The following SPA17 variants were observed in gnomAD, a reference collection of about 807,000 sequenced individuals.
SPA17 encodes sperm surface protein Sp17.
In SPA17, 7 loss-of-function variants were observed where a neutral mutation model predicts 13.8. That is an observed-to-expected ratio of 0.51 (90% CI 0.29 to 0.95). The LOEUF (loss-of-function observed/expected upper bound fraction) is 0.95, where lower values mean the gene tolerates loss of function less well. Among genes scored for constraint, SPA17 ranks in the 40% least tolerant of loss-of-function variants. SPA17 has a pLI of 0.08. For missense variants in SPA17, 170 were observed against 179.3 expected (o/e 0.95, Z 0.30); for synonymous variants, 61 against 59.0 (o/e 1.03, Z -0.16).
At position 124,694,443 on chromosome 11, in the gene SPA17, G is replaced by A. The variant is rs750692188; in HGVS notation, c.453G>A (p.Lys151=). The part of the protein sequence containing the change: ...SLQNEEKEEN[K] ...AAAATGAGGAAAAAGAGGAAAACAA[G>A]TGAGGACACTGGTTTTACCTCCAGG... Residue 151 remains lysine, a synonymous_variant, in exon 5 of 5, where the codon AAG becomes AAA. Coordinates refer to ENST00000227135, the MANE Select transcript of SPA17 (RefSeq NM_017425.4). 5.0e-6 allele frequency: 8 copies of A among 1,608,532 alleles called. No homozygotes were observed. Among genetic ancestry groups the A allele is most frequent in the African/African-American group, 2.7e-5 (2 of 74,552 alleles).
At chr11:124,678,357 C>CG (rs1217830749) in intron 2 of SPA17, among the ~76,000 whole-genome samples, 1 of 151,544 alleles carries the variant, frequency 6.6e-6, no homozygotes, top group Non-Finnish European at 1.5e-5. Flanking sequence ...TAAACACAGA[C>CG]GGGGGTCTCA....
intron 3 of SPA17, among the ~76,000 whole-genome samples, chr11:124,682,042 T>G (rs904209794): frequency 1.3e-5 from 2 of 152,162 alleles, no homozygotes; most frequent in Admixed American, 1.3e-4. Flanking sequence ...GCCTTTCTCT[T>G]TAGCAGCTTT....
chr11:124,685,971 C>G (rs1431942149), intron 3 of SPA17, among the ~76,000 whole-genome samples: 1 of 152,100 alleles, frequency 6.6e-6, no homozygotes, highest in Non-Finnish European at 1.5e-5. Context: ...AGACTTTGAA[C>G]TTGGACTTTT....
chr11:124,690,585 AATTGT>A (rs1390549939), intron 3 of SPA17, among the ~76,000 whole-genome samples: 1 of 152,194 alleles, frequency 6.6e-6, no homozygotes, highest in Non-Finnish European at 1.5e-5. Context: ...CATGTAACAA[AATTGT>A]ACATGTACTC....
At chr11:124,673,996 C>CT (rs1466097822) in intron 1 of SPA17, 44 bp downstream of exon 1, 2 of 485,988 alleles carry the variant, frequency 4.1e-6, no homozygotes, top group Non-Finnish European at 7.4e-6. Context: ...AAGACCTAGC[C>CT]TTTTCCCTTC....
chr11:124,694,233 C>T, intron 4 of SPA17, 70 bp from the exon 5 acceptor site: 2 of 1,543,812 alleles, frequency 1.3e-6, no homozygotes, highest in East Asian at 2.3e-5. Flanking sequence ...AAATTTCATC[C>T]ATTTATTTTT....
chr11:124,675,088 T>G, intron 1 of SPA17, 150 bp from the exon 2 acceptor site: 1 of 690,706 alleles, frequency 1.4e-6, no homozygotes, highest in Non-Finnish European at 2.3e-6. Context: ...TCAAAACTCT[T>G]TGGAAGAAAT....
chr11:124,688,483 A>G (rs1348712991), intron 3 of SPA17, among the ~76,000 whole-genome samples: 2 of 152,200 alleles, frequency 1.3e-5, no homozygotes, highest in Admixed American at 6.5e-5. Context: ...AGGCAATCCC[A>G]TTTATAATAG....
chr11:124,680,681 AAG>A (rs1298179901), intron 2 of SPA17, among the ~76,000 whole-genome samples: 1 of 152,176 alleles, frequency 6.6e-6, no homozygotes, highest in Non-Finnish European at 1.5e-5. Flanking sequence ...TATATTTTAA[AAG>A]AGTATATATT....
intron 3 of SPA17, among the ~76,000 whole-genome samples, chr11:124,690,472 G>A (rs1473209852): frequency 6.6e-6 from 1 of 152,198 alleles, no homozygotes; most frequent in Non-Finnish European, 1.5e-5. Flanking sequence ...AGAGTGAGGA[G>A]AGGTGGGAGA....
chr11:124,685,489 G>C (rs1285967538), intron 3 of SPA17, among the ~76,000 whole-genome samples: 1 of 152,214 alleles, frequency 6.6e-6, no homozygotes, highest in East Asian at 1.9e-4. Flanking sequence ...AGTGCAGAAG[G>C]GGAATGTGAG....
chr11:124,681,989 A>G (rs1408365326), intron 3 of SPA17, among the ~76,000 whole-genome samples: 1 of 152,174 alleles, frequency 6.6e-6, no homozygotes, highest in Admixed American at 6.5e-5. Flanking sequence ...AAAGGTGGTA[A>G]TGGTGTAGTT....
intron 4 of SPA17, among the ~76,000 whole-genome samples, chr11:124,693,206 C>A (rs1485575500): frequency 6.6e-6 from 1 of 152,014 alleles, no homozygotes; most frequent in African/African-American, 2.4e-5. Context: ...GAATTTTATA[C>A]CATTCTGTTT....
intron 3 of SPA17, among the ~76,000 whole-genome samples, chr11:124,682,463 G>A (rs1315668078): frequency 6.6e-6 from 1 of 151,968 alleles, no homozygotes; most frequent in East Asian, 1.9e-4. Flanking sequence ...AGGTGCAAGA[G>A]AAATCTGAAA....
At position 124,694,493 on chromosome 11, in the gene SPA17, A is replaced by G. The variant is rs1365356859; in HGVS notation, c.*47A>G. ...GAAACATGAAAAATAATCCAAATCC[A>G]TCAACCTTCTTATTAATGTCATTTC... On this transcript the variant is annotated 3_prime_UTR_variant, in exon 5 of 5. Transcript: ENST00000227135. 2 of 1,555,078 alleles carry G rather than the reference A, an allele frequency of 1.3e-6. No homozygotes were observed. The highest frequency in any genetic ancestry group is 1.7e-6 in the Non-Finnish European group (2 of 1,152,114).
rs1181884582 is a variant in SPA17, at chr11:124,681,373, T to C, written c.155-16T>C. On this transcript the variant is annotated splice_polypyrimidine_tract_variant and intron_variant, in intron 2 of 4. Coordinates refer to ENST00000227135, the MANE Select transcript of SPA17 (RefSeq NM_017425.4). ...AATTCAAATAAATCTGAAGTTCTTA[T>C]ATTTTTATTATTTAGAAACCAACTT... The C allele has an allele frequency of 1.1e-5, 17 of 1,560,184 alleles. No individual in the cohort carries two copies. Among genetic ancestry groups the C allele is most frequent in the African/African-American group, 2.7e-5 (2 of 72,808 alleles).
chr11:124,681,261 C>T, intron 2 of SPA17, 128 bp from the exon 3 acceptor site: 1 of 551,468 alleles, frequency 1.8e-6, no homozygotes, highest in Non-Finnish European at 3.0e-6. Context: ...TGCACAATGT[C>T]AATAAGATTT....
chr11:124,689,001 A>T (rs564874655), intron 3 of SPA17, among the ~76,000 whole-genome samples: 3 of 152,366 alleles, frequency 2.0e-5, no homozygotes, highest in Non-Finnish European at 2.9e-5. Flanking sequence ...GGAGCCAGAA[A>T]TAAAGCATAT....
Position 124,675,224 on chromosome 11 carries a change from T to C in SPA17, c.-27-14T>C, listed in dbSNP as rs370409737. The stretch of plus-strand genomic sequence containing the variant: ...AGACAAATTTAAAGACAGTACTCTT[T>C]AATGAATCTTTAGGTTCCATAGGCA... On this transcript the variant is annotated splice_polypyrimidine_tract_variant and intron_variant, in intron 1 of 4. Transcript: ENST00000227135. The C allele has an allele frequency of 5.9e-5, 94 of 1,592,828 alleles. 1 individual carries two copies. In the Middle Eastern group the frequency reaches 6.7e-4, roughly 11 times the overall value.
Sources: gnomAD v4.1 joint callset for allele counts (sites outside exome capture counted in the v4.1 genomes callset) on GRCh38, gnomAD v4.1.1 for gene constraint, MANE v1.5 for transcripts, NCBI Gene and HGNC (gene_info 2026-07-23, HGNC 2026-07-21) for gene names.